Variants in ZNF385B observed in about 807,000 individuals in gnomAD.
ZNF385B encodes the protein zinc finger protein 533.
ZNF385B carries 23 observed loss-of-function variants against 39.2 expected under a neutral mutation model. The observed-to-expected ratio is 0.59, with a 90% confidence interval of 0.42 to 0.83. The LOEUF is 0.83. Among genes scored for constraint, ZNF385B ranks in the 40% least tolerant of loss-of-function variants. ZNF385B has a pLI of 0.00. For synonymous variants in ZNF385B, 205 were observed against 222.6 expected (o/e 0.92, Z 0.70); for missense variants, 552 against 598.9 (o/e 0.92, Z 0.82).
In ZNF385B at chr2:179,545,079, G is replaced by A; in HGVS notation, c.299-110C>T. On this transcript the variant is annotated intron_variant, in intron 3 of 9. Coordinates refer to ENST00000410066, the MANE Select transcript of ZNF385B (RefSeq NM_152520.6). ...TGAGCTGCAACTTGCAAGCAAGAGA[G>A]TTATGCTGTAAGTAAGCAAATGGCA... The A allele has an allele frequency of 4.3e-6, 6 of 1,388,802 alleles. No homozygotes were observed. The South Asian group carries it at 7.4e-5, about 17-fold the overall frequency. 86.0% of individuals were successfully genotyped at this position (1,388,802 alleles called of 1,614,324 possible).
chr2:179,612,408 A>C (rs1689363083), intron 3 of ZNF385B, among the ~76,000 whole-genome samples: 1 of 151,176 alleles, frequency 6.6e-6, no homozygotes, highest in East Asian at 2.0e-4. Context: ...GTTGTAATCT[A>C]AGTTTTTGGT....
intron 1 of ZNF385B, among the ~76,000 whole-genome samples, chr2:179,808,873 G>A (rs578259249): frequency 4.1e-4 from 62 of 152,286 alleles, no homozygotes; most frequent in Non-Finnish European, 7.4e-4. Flanking sequence ...AAAGTCAGTG[G>A]CAACATGTTT....
At chr2:179,452,368 C>T (rs2050238193) in intron 6 of ZNF385B, among the ~76,000 whole-genome samples, 1 of 152,010 alleles carries the variant, frequency 6.6e-6, no homozygotes, top group Admixed American at 6.6e-5. Context: ...TCAAACTTAG[C>T]ACTATACTAC....
chr2:179,719,044 A>G (rs1409139031), intron 3 of ZNF385B, among the ~76,000 whole-genome samples: 1 of 152,018 alleles, frequency 6.6e-6, no homozygotes, highest in East Asian at 1.9e-4. Context: ...CTTATCATGA[A>G]CTGCCAGGAA....
chr2:179,536,216 T>C (rs2059556720), intron 4 of ZNF385B: 1 of 152,222 alleles, frequency 6.6e-6, no homozygotes, highest in African/African-American at 2.4e-5. Context: ...TCTAATTCTT[T>C]TTTTTAATTA....
chr2:179,815,442 A>C (rs1707003692), intron 1 of ZNF385B, among the ~76,000 whole-genome samples: 1 of 152,220 alleles, frequency 6.6e-6, no homozygotes, highest in Non-Finnish European at 1.5e-5. Context: ...GATAAAGATT[A>C]TGGAAACTGA....
chr2:179,531,829 G>C (rs7563476), intron 4 of ZNF385B, among the ~76,000 whole-genome samples: 85,632 of 151,882 alleles, frequency 0.56, 25,820 homozygotes, highest in Admixed American at 0.7. Context: ...TAGGAAAGTG[G>C]TCCTTGAGTG....
At chr2:179,521,388 C>T (rs2058493990) in intron 4 of ZNF385B, among the ~76,000 whole-genome samples, 2 of 108,932 alleles carry the variant, frequency 1.8e-5, no homozygotes, top group African/African-American at 3.5e-5. Context: ...TTAGTAGAGA[C>T]TGGGTTTCGT....
At chr2:179,679,349 A>C (rs978525013) in intron 3 of ZNF385B, among the ~76,000 whole-genome samples, 1 of 152,222 alleles carries the variant, frequency 6.6e-6, no homozygotes, top group Non-Finnish European at 1.5e-5. Context: ...ATTTCACAGA[A>C]TGTATCCCCA....
In ZNF385B at chr2:179,602,277, G is replaced by T. The variant is rs191349150; in HGVS notation, c.299-57308C>A. Among the ~76,000 whole-genome samples the T allele has an allele frequency of 1.4e-3, 209 of 152,212 alleles. 1 individual carries two copies. The highest frequency in any genetic ancestry group is 3.1e-3 in the South Asian group (15 of 4,822). Reference sequence around the variant, plus strand: ...GTATGCTTTCTTTCTTGAGACAAAGGCTCTGTCGCCCTGGGTTCAAGCGAT... The same window carrying T: ...GTATGCTTTCTTTCTTGAGACAAAGTCTCTGTCGCCCTGGGTTCAAGCGAT... On this transcript the variant is annotated intron_variant, in intron 3 of 9. Coordinates refer to ENST00000410066, the MANE Select transcript of ZNF385B (RefSeq NM_152520.6).
At chr2:179,704,468 A>G (rs746701) in intron 3 of ZNF385B, among the ~76,000 whole-genome samples, 20,007 of 152,212 alleles carry the variant, frequency 0.13, 2,034 homozygotes, top group East Asian at 0.54. Flanking sequence ...TAAGAAAAAA[A>G]TAGACTTTTC....
intron 3 of ZNF385B, among the ~76,000 whole-genome samples, chr2:179,654,137 A>G (rs1479271931): frequency 6.6e-6 from 1 of 152,148 alleles, no homozygotes; most frequent in Non-Finnish European, 1.5e-5. Flanking sequence ...TTTCTCACCA[A>G]TGGCACTGAA....
intron 5 of ZNF385B, among the ~76,000 whole-genome samples, chr2:179,505,805 G>A (rs2057200750): frequency 6.6e-6 from 1 of 151,964 alleles, no homozygotes; most frequent in South Asian, 2.1e-4. Context: ...AGGAAATAGG[G>A]TTTGCATTTG....
chr2:179,582,608 A>G (rs1436533001), intron 3 of ZNF385B, among the ~76,000 whole-genome samples: 2 of 152,208 alleles, frequency 1.3e-5, no homozygotes, highest in Non-Finnish European at 2.9e-5. Context: ...CCCTACACAC[A>G]TGGAGATTAT....
At position 179,762,393 on chromosome 2, in the gene ZNF385B, C is replaced by T. The variant is rs369704381; in HGVS notation, c.298+7110G>A. On this transcript the variant is annotated intron_variant, in intron 3 of 9. Transcript: ENST00000410066. ...TTTTAGTAGAGACGGGGTTTTGCCA[C>T]GTTGGCCAGGCTGGTCTCAAACTGC... 1.3e-3 allele frequency among the ~76,000 whole-genome samples: 201 copies of T among 151,962 alleles called. 4 individuals carry two copies. The South Asian group carries it at 0.029, about 22-fold the overall frequency.
At chr2:179,600,303 A>G (rs1227345505) in intron 3 of ZNF385B, among the ~76,000 whole-genome samples, 1 of 152,234 alleles carries the variant, frequency 6.6e-6, no homozygotes. Context: ...AACTAAAGAC[A>G]TCACTTAAAA....
At chr2:179,567,429 C>T (rs1281231085) in intron 3 of ZNF385B, among the ~76,000 whole-genome samples, 1 of 152,078 alleles carries the variant, frequency 6.6e-6, no homozygotes. Flanking sequence ...GTCACTGGTC[C>T]TAAAGGTGCT....
intron 6 of ZNF385B, among the ~76,000 whole-genome samples, chr2:179,457,797 C>T (rs567128629): frequency 6.6e-6 from 1 of 152,228 alleles, no homozygotes; most frequent in Admixed American, 6.5e-5. Flanking sequence ...GTCAGATATA[C>T]ACATCACAAG....
intron 3 of ZNF385B, among the ~76,000 whole-genome samples, chr2:179,724,783 A>G (rs1315794554): frequency 6.6e-6 from 1 of 152,230 alleles, no homozygotes; most frequent in Non-Finnish European, 1.5e-5. Context: ...ATTCTAATAA[A>G]TAACTGTTCT....
Sources: gnomAD v4.1 joint callset for allele counts (sites outside exome capture counted in the v4.1 genomes callset) on GRCh38, gnomAD v4.1.1 for gene constraint, MANE v1.5 for transcripts, NCBI Gene and HGNC (gene_info 2026-07-23, HGNC 2026-07-21) for gene names.